Variants in RANBP17 observed in about 807,000 individuals in gnomAD.
The protein encoded by RANBP17 is ran-binding protein 17.
A neutral mutation model predicts 141.2 loss-of-function variants in RANBP17; 158 were observed. The ratio of observed to expected loss-of-function variants is 1.12; its 90% CI spans 0.98 to 1.28. RANBP17 has a LOEUF of 1.28. Among genes scored for constraint, RANBP17 ranks in the 50% most tolerant of loss-of-function variants. The pLI is 0.00. For missense variants in RANBP17, 1,438 were observed against 1,290.7 expected (o/e 1.11, Z -1.75); for synonymous variants, 430 against 450.0 (o/e 0.96, Z 0.56).
chr5:170,881,530 A>G (rs1768692102), intron 2 of RANBP17, among the ~76,000 whole-genome samples: 1 of 152,150 alleles, frequency 6.6e-6, no homozygotes, highest in Admixed American at 6.5e-5. Flanking sequence ...ACTGTATTTT[A>G]TTTGAACTTG....
intron 8 of RANBP17, among the ~76,000 whole-genome samples, chr5:170,916,050 A>G (rs1392313429): frequency 6.6e-6 from 1 of 151,552 alleles, no homozygotes; most frequent in Non-Finnish European, 1.5e-5. Flanking sequence ...TTTATGTTCT[A>G]TAATGCTTTT....
intron 14 of RANBP17, among the ~76,000 whole-genome samples, chr5:171,037,362 A>G (rs1441571701): frequency 2.0e-5 from 3 of 151,804 alleles, no homozygotes; most frequent in Non-Finnish European, 2.9e-5. Flanking sequence ...TGTTGTATGT[A>G]TAGGTTTTTC....
intron 14 of RANBP17, among the ~76,000 whole-genome samples, chr5:171,095,619 G>A (rs529446087): frequency 6.7e-4 from 102 of 152,282 alleles, no homozygotes; most frequent in African/African-American, 2.3e-3. Context: ...AGCTTTGGAA[G>A]GTTGTAAGCT....
At chr5:171,267,350 C>T (rs534424965) in intron 25 of RANBP17, among the ~76,000 whole-genome samples, 1 of 152,140 alleles carries the variant, frequency 6.6e-6, no homozygotes, top group Non-Finnish European at 1.5e-5. Context: ...AGCCCTATCA[C>T]TGTGTTTTCT....
intron 14 of RANBP17, among the ~76,000 whole-genome samples, chr5:171,011,853 T>C (rs1780057584): frequency 6.6e-6 from 1 of 151,946 alleles, no homozygotes; most frequent in Admixed American, 6.6e-5. Flanking sequence ...AAAAAAAATA[T>C]CTGAACCGGA....
chr5:171,059,482 A>G (rs1401282064), intron 14 of RANBP17, among the ~76,000 whole-genome samples: 8 of 151,626 alleles, frequency 5.3e-5, no homozygotes, highest in South Asian at 2.1e-4. Flanking sequence ...GTAGATATGC[A>G]GCGTTATTTC....
At chr5:171,011,443 A>C (rs1294168549) in intron 14 of RANBP17, among the ~76,000 whole-genome samples, 1 of 151,846 alleles carries the variant, frequency 6.6e-6, no homozygotes, top group Non-Finnish European at 1.5e-5. Context: ...AAAGGAATTG[A>C]ATTTTAACCC....
chr5:170,941,548 C>T (rs905458222), intron 12 of RANBP17, among the ~76,000 whole-genome samples: 1 of 152,120 alleles, frequency 6.6e-6, no homozygotes, highest in African/African-American at 2.4e-5. Flanking sequence ...GCAACACACA[C>T]TAAGCAAGAA....
chr5:171,009,370 T>C (rs1303323867), intron 14 of RANBP17, among the ~76,000 whole-genome samples: 1 of 152,200 alleles, frequency 6.6e-6, no homozygotes, highest in African/African-American at 2.4e-5. Flanking sequence ...TAACTTTGGG[T>C]AAGTTGCTTA....
chr5:170,883,068 T>C (rs1451683249), intron 3 of RANBP17, among the ~76,000 whole-genome samples: 1 of 152,222 alleles, frequency 6.6e-6, no homozygotes, highest in Non-Finnish European at 1.5e-5. Flanking sequence ...CTTGTTTTCC[T>C]CTATATTGAC....
At chr5:171,087,154 G>T (rs1785729562) in intron 14 of RANBP17, among the ~76,000 whole-genome samples, 1 of 147,972 alleles carries the variant, frequency 6.8e-6, no homozygotes, top group Non-Finnish European at 1.5e-5. Context: ...AGAGATTCTG[G>T]TATGTTGTGT....
chr5:170,932,534 G>A lies in RANBP17; in HGVS notation c.1468+7984G>A, dbSNP rs189140681. On this transcript the variant is annotated intron_variant, in intron 12 of 27. Transcript: ENST00000523189. ...GTTTTTGTCCATTCAGTATGATACT[G>A]GCTGTGGGTTTGTCATAAATAGCTC... is the stretch of plus-strand genomic sequence containing the variant. 7.7e-3 allele frequency among the ~76,000 whole-genome samples: 1,144 copies of A among 148,348 alleles called. 11 individuals carry two copies. Among genetic ancestry groups the A allele is most frequent in the Middle Eastern group, 0.034 (10 of 290 alleles).
At chr5:171,077,984 T>C (rs1426593583) in intron 14 of RANBP17, among the ~76,000 whole-genome samples, 1 of 152,132 alleles carries the variant, frequency 6.6e-6, no homozygotes, top group Non-Finnish European at 1.5e-5. Flanking sequence ...TTCATGAGGT[T>C]TAAGGAAAGA....
At chr5:170,988,440 A>C (rs1778299757) in intron 14 of RANBP17, among the ~76,000 whole-genome samples, 1 of 151,534 alleles carries the variant, frequency 6.6e-6, no homozygotes, top group Non-Finnish European at 1.5e-5. Flanking sequence ...GTGACTAAAT[A>C]CCCAAATACC....
chr5:170,933,425 C>G (rs1773572486), intron 12 of RANBP17, among the ~76,000 whole-genome samples: 1 of 152,132 alleles, frequency 6.6e-6, no homozygotes, highest in Non-Finnish European at 1.5e-5. Context: ...CAGTTCTGCT[C>G]TGATCTTAGT....
At chr5:171,297,650 C>T (rs2128047790) in intron 27 of RANBP17, among the ~76,000 whole-genome samples, 1 of 152,016 alleles carries the variant, frequency 6.6e-6, no homozygotes, top group South Asian at 2.1e-4. Flanking sequence ...CCCTAGGTGT[C>T]TCGGTGGAAA....
chr5:171,198,059 CT>C (rs558118816), intron 18 of RANBP17, among the ~76,000 whole-genome samples: 3 of 152,266 alleles, frequency 2.0e-5, no homozygotes, highest in Admixed American at 2.0e-4. Context: ...AGGCAAAATG[CT>C]ATGGGAATCC....
intron 14 of RANBP17, among the ~76,000 whole-genome samples, chr5:171,168,326 C>T (rs1472605043): frequency 2.0e-5 from 3 of 152,160 alleles, no homozygotes; most frequent in African/African-American, 7.2e-5. Flanking sequence ...ATGACCAGCA[C>T]ATGAACACAT....
chr5:170,898,326 C>T (rs927731527), intron 5 of RANBP17, among the ~76,000 whole-genome samples: 5 of 152,014 alleles, frequency 3.3e-5, no homozygotes, highest in African/African-American at 1.2e-4. Context: ...ACATAAGTGT[C>T]GTCTTTTCAG....
Sources: allele counts gnomAD v4.1 joint callset (sites outside exome capture counted in the v4.1 genomes callset), GRCh38; gene constraint gnomAD v4.1.1; transcripts MANE v1.5; gene names NCBI Gene and HGNC (gene_info 2026-07-23, HGNC 2026-07-21).